The following STAT4 variants were observed in gnomAD, a reference collection of about 807,000 sequenced individuals.
STAT4 encodes signal transducer and activator of transcription 4.
A neutral mutation model predicts 110.5 loss-of-function variants in STAT4; 42 were observed. That is an observed-to-expected ratio of 0.38 (90% CI 0.30 to 0.49). The LOEUF is 0.49. STAT4 is among the 20% of genes least tolerant of loss of function. The pLI is 0.95. For missense variants in STAT4, 632 were observed against 887.9 expected (o/e 0.71, Z 3.66); for synonymous variants, 284 against 302.2 (o/e 0.94, Z 0.63).
intron 3 of STAT4, among the ~76,000 whole-genome samples, chr2:191,092,550 G>A (rs1697828648): frequency 6.6e-6 from 1 of 151,688 alleles, no homozygotes; most frequent in Non-Finnish European, 1.5e-5. Flanking sequence ...GATTTTTAAA[G>A]ATTTTAACTT....
At position 191,031,575 on chromosome 2, in the gene STAT4, G is replaced by T. The variant is rs1695895586; in HGVS notation, c.2045-59C>A. The stretch of plus-strand genomic sequence containing the variant: ...AAATGTCAATATTATCAATAAAACT[G>T]GGGAAAAAAGAGTCTAGAAAAATAT... On this transcript the variant is annotated intron_variant, in intron 21 of 23. Coordinates refer to ENST00000392320, the MANE Select transcript of STAT4 (RefSeq NM_003151.4). This position sits in a 1 kb window ranked among gnomAD's most constrained non-coding sequence, Gnocchi z 4.8. 1.4e-6 allele frequency: 2 copies of T among 1,401,792 alleles called. No individual in the cohort carries two copies. The highest frequency in any genetic ancestry group is 2.4e-5 in the South Asian group (2 of 81,798). The allele number at this position is 1,401,792 out of a possible 1,614,324, so 86.8% of individuals were successfully genotyped here.
Position 191,146,529 on chromosome 2 carries a change from T to A in STAT4, c.273+84A>T. ...TTTTCCCCTAAATTTCATTTGAAAA[T>A]AATATAAGGGTACATATTTAATTTT... On this transcript the variant is annotated intron_variant, in intron 3 of 23. Transcript: ENST00000392320. The surrounding 1 kb of genome is among the most constrained non-coding windows in gnomAD (Gnocchi z 4.5). 8.3e-7 allele frequency: 1 copy of A among 1,205,294 alleles called. No individual in the cohort carries two copies. Among genetic ancestry groups the A allele is most frequent in the East Asian group, 3.1e-5 (1 of 32,538 alleles). 74.7% of individuals were successfully genotyped at this position (1,205,294 alleles called of 1,614,324 possible). A position where few individuals can be genotyped will look rare whatever the true frequency, so the allele number is the denominator to read the frequency against.
chr2:191,150,878 A>G lies in STAT4; in HGVS notation c.-2+69T>C. On this transcript the variant is annotated intron_variant, in intron 1 of 23. Coordinates refer to ENST00000392320, the MANE Select transcript of STAT4 (RefSeq NM_003151.4). This position sits in a 1 kb window ranked among gnomAD's most constrained non-coding sequence, Gnocchi z 6.4. ...AAACGCCAAGGGAAAGCAAAGCTTCAGAGTATCCTGCATAATAAGCATGTC... is the reference window on the plus strand; with the variant it reads ...AAACGCCAAGGGAAAGCAAAGCTTCGGAGTATCCTGCATAATAAGCATGTC... 2 of 973,794 alleles carry G rather than the reference A, an allele frequency of 2.1e-6. No individual in the cohort carries two copies. Among genetic ancestry groups the G allele is most frequent in the East Asian group, 1.1e-4 (1 of 8,754 alleles). 60.3% of individuals were successfully genotyped at this position (973,794 alleles called of 1,614,324 possible).
rs142956724 is a variant in STAT4, at chr2:191,138,343, T to C, written c.273+8270A>G. On this transcript the variant is annotated intron_variant, in intron 3 of 23. Transcript: ENST00000392320. This position sits in a 1 kb window ranked among gnomAD's most constrained non-coding sequence, Gnocchi z 4.3. ...AAGCATGTTATTTGAAAAGATAATA[T>C]TGATAGACCATTAGTGAGATTAACC... Among the ~76,000 whole-genome samples, 641 of 152,168 alleles carry C rather than the reference T, an allele frequency of 4.2e-3. 3 individuals are homozygous for C. The highest frequency in any genetic ancestry group is 0.015 in the African/African-American group (607 of 41,532).
At position 191,102,360 on chromosome 2, in the gene STAT4, CTCTTTTGCTCT is replaced by C. The variant is rs138021466; in HGVS notation, c.274-26046_274-26036del. Among the ~76,000 whole-genome samples, 1,419 of 152,116 alleles carry C rather than the reference CTCTTTTGCTCT, an allele frequency of 9.3e-3. 25 individuals are homozygous for C. Among genetic ancestry groups the C allele is most frequent in the African/African-American group, 0.032 (1,320 of 41,486 alleles). ...TTGTGGTTTGCTATATAGTCTATTC[CTCTTTTGCTCT>C]TCTCTACTATTTTGGAAGGTATTTA... On this transcript the variant is annotated intron_variant, in intron 3 of 23. Transcript: ENST00000392320.
At chr2:191,106,533 G>A (rs1317021034) in intron 3 of STAT4, among the ~76,000 whole-genome samples, 2 of 151,940 alleles carry the variant, frequency 1.3e-5, no homozygotes, top group Non-Finnish European at 1.5e-5. Flanking sequence ...GCGCATGCCT[G>A]TAGTTCCAGC....
At chr2:191,100,341 C>T (rs796583630) in intron 3 of STAT4, among the ~76,000 whole-genome samples, 6 of 152,242 alleles carry the variant, frequency 3.9e-5, no homozygotes, top group South Asian at 2.1e-4. Flanking sequence ...AATAGGTTAG[C>T]GCCTAAATGA....
intron 3 of STAT4, among the ~76,000 whole-genome samples, chr2:191,106,825 C>T (rs1020838877): frequency 1.3e-5 from 2 of 152,040 alleles, no homozygotes; most frequent in African/African-American, 2.4e-5. Flanking sequence ...AAAAGTGCGA[C>T]CTATTAGAAT....
rs545254944 is a variant in STAT4, at chr2:191,135,494, G to C, written c.273+11119C>G. ...TTATTGTTTTTGTTTGTTTGTTTGA[G>C]ATGGAGTCTCACTCTGTCGCCCAGG... On this transcript the variant is annotated intron_variant, in intron 3 of 23. Transcript: ENST00000392320. This position sits in a 1 kb window ranked among gnomAD's most constrained non-coding sequence, Gnocchi z 4.8. Among the ~76,000 whole-genome samples the C allele has an allele frequency of 6.1e-4, 93 of 152,288 alleles. No individual in the cohort carries two copies. The highest frequency in any genetic ancestry group is 2.2e-3 in the African/African-American group (91 of 41,548).
intron 3 of STAT4, among the ~76,000 whole-genome samples, chr2:191,096,304 G>C (rs1400142165): frequency 1.3e-5 from 2 of 152,164 alleles, no homozygotes; most frequent in African/African-American, 4.8e-5. Flanking sequence ...AAGCCTGGCA[G>C]AGACACAACA....
rs1695851472 is a variant in STAT4, at chr2:191,030,267, A to T, written c.2221-401T>A. On this transcript the variant is annotated intron_variant, in intron 23 of 23. Transcript: ENST00000392320. The surrounding 1 kb of genome is among the most constrained non-coding windows in gnomAD (Gnocchi z 4.4). Reference sequence around the variant, plus strand: ...AGGACTAAAAGCCAGCCAGATAAAAATTTTTTGAGGCTTAGGGTCTCTCCA... The same window carrying T: ...AGGACTAAAAGCCAGCCAGATAAAATTTTTTTGAGGCTTAGGGTCTCTCCA... Among the ~76,000 whole-genome samples, 1 of 152,206 alleles carries T rather than the reference A, an allele frequency of 6.6e-6. No individual in the cohort carries two copies. Among genetic ancestry groups the T allele is most frequent in the African/African-American group, 2.4e-5 (1 of 41,458 alleles).
In STAT4 at chr2:191,117,892, G is replaced by A. The variant is rs1404400071; in HGVS notation, c.273+28721C>T. On this transcript the variant is annotated intron_variant, in intron 3 of 23. Transcript: ENST00000392320. The surrounding 1 kb of genome is among the most constrained non-coding windows in gnomAD (Gnocchi z 5.2). ...TCTACACTTTTAACAAGTTCCCCAA[G>A]TGATTTTTGTAATGAAACACAAACT... 6.6e-6 allele frequency among the ~76,000 whole-genome samples: 1 copy of A among 152,150 alleles called. No individual in the cohort carries two copies. The highest frequency in any genetic ancestry group is 6.5e-5 in the Admixed American group (1 of 15,282).
At chr2:191,067,229 ATAG>A (rs1233976999) in intron 6 of STAT4, among the ~76,000 whole-genome samples, 1 of 152,088 alleles carries the variant, frequency 6.6e-6, no homozygotes, top group Non-Finnish European at 1.5e-5. Flanking sequence ...CTTTATTGAC[ATAG>A]TGGTGGGGCT....
At position 191,061,589 on chromosome 2, in the gene STAT4, C is replaced by G. The variant is rs1000419408; in HGVS notation, c.1034+140G>C. The G allele has an allele frequency of 8.6e-6, 7 of 811,042 alleles. No homozygotes were observed. Among genetic ancestry groups the G allele is most frequent in the Non-Finnish European group, 1.5e-5 (7 of 479,574 alleles). 50.2% of individuals were successfully genotyped at this position (811,042 alleles called of 1,614,324 possible). On this transcript the variant is annotated intron_variant, in intron 10 of 23. Transcript: ENST00000392320. This position sits in a 1 kb window ranked among gnomAD's most constrained non-coding sequence, Gnocchi z 6.2. Reference sequence around the variant, plus strand: ...TCTTCACATTTCTGTGGGTATTTCCCCAAGCTCAGAGCTGGGCACACAGCA... The same window carrying G: ...TCTTCACATTTCTGTGGGTATTTCCGCAAGCTCAGAGCTGGGCACACAGCA...
chr2:191,080,796 C>A (rs1697444641), intron 3 of STAT4, among the ~76,000 whole-genome samples: 2 of 152,154 alleles, frequency 1.3e-5, no homozygotes, highest in Non-Finnish European at 2.9e-5. Context: ...TCACCACAGT[C>A]ATTATCCATC....
chr2:191,061,033 G>A lies in STAT4; in HGVS notation c.1034+696C>T, dbSNP rs147737932. Among the ~76,000 whole-genome samples the A allele has an allele frequency of 4.7e-3, 723 of 152,308 alleles. 4 individuals are homozygous for A. Among genetic ancestry groups the A allele is most frequent in the African/African-American group, 0.017 (693 of 41,548 alleles). On this transcript the variant is annotated intron_variant, in intron 10 of 23. Transcript: ENST00000392320. The surrounding 1 kb of genome is among the most constrained non-coding windows in gnomAD (Gnocchi z 6.2). ...TAGTGCTTGGAGTTTCAGGCATGAT[G>A]AGAACCTTTGAAAGTAAGAACTCAA...
chr2:191,125,678 C>G (rs1253085209), intron 3 of STAT4, among the ~76,000 whole-genome samples: 2 of 151,830 alleles, frequency 1.3e-5, no homozygotes, highest in African/African-American at 4.8e-5. Context: ...GAGATAGGGT[C>G]TCACTATGTT....
At chr2:191,132,913 C>T (rs913211575) in intron 3 of STAT4, among the ~76,000 whole-genome samples, 16 of 151,322 alleles carry the variant, frequency 1.1e-4, no homozygotes, top group African/African-American at 3.9e-4. Context: ...CGCCACCATG[C>T]CCGGCTAATT....
At chr2:191,120,260 G>C (rs1045949183) in intron 3 of STAT4, among the ~76,000 whole-genome samples, 9 of 152,114 alleles carry the variant, frequency 5.9e-5, no homozygotes, top group African/African-American at 2.2e-4. Context: ...GAAAAGGTAA[G>C]GCACAGTGCA....
Sources: gnomAD v4.1 joint callset for allele counts (sites outside exome capture counted in the v4.1 genomes callset) on GRCh38, gnomAD v4.1.1 for gene constraint, Gnocchi (gnomAD v3.1) non-coding constraint, MANE v1.5 for transcripts, NCBI Gene and HGNC (gene_info 2026-07-23, HGNC 2026-07-21) for gene names.